Variants in TIGAR observed in about 807,000 individuals in gnomAD.
TIGAR encodes fructose-2,6-bisphosphatase TIGAR.
A neutral mutation model predicts 17.9 loss-of-function variants in TIGAR; 7 were observed. The ratio of observed to expected loss-of-function variants is 0.39; its 90% confidence interval spans 0.22 to 0.73. The LOEUF is 0.73. TIGAR is among the 30% of genes least tolerant of loss of function. TIGAR has a pLI of 0.42. For missense variants in TIGAR, 258 were observed against 327.4 expected, an observed-to-expected ratio of 0.79 and a Z score of 1.64; for synonymous variants, 94 against 108.6, an observed-to-expected ratio of 0.87 and a Z score of 0.84.
chr12:4,349,580 G>T (rs71583759), intron 3 of TIGAR, among the ~76,000 whole-genome samples: 7,328 of 152,110 alleles, frequency 0.048, 523 homozygotes, highest in East Asian at 0.33. Context: ...ACCACATCCG[G>T]CTAATTTTTT....
chr12:4,324,924 A>G (rs949116032), intron 1 of TIGAR: 2 of 326,200 alleles, frequency 6.1e-6, no homozygotes, highest in African/African-American at 2.3e-5. Context: ...ATGAATTAGT[A>G]AAGTTTTTTT....
intron 3 of TIGAR, among the ~76,000 whole-genome samples, 180 bp from the exon 4 acceptor site, chr12:4,349,639 G>A (rs1484306141): frequency 1.3e-5 from 2 of 151,990 alleles, no homozygotes; most frequent in East Asian, 3.9e-4. Flanking sequence ...GGATGGTCTC[G>A]ATCTCCTGAC....
In TIGAR at chr12:4,355,586, A is replaced by G. The variant is rs910623808; in HGVS notation, c.*2895A>G. 3.3e-5 allele frequency among the ~76,000 whole-genome samples: 5 copies of G among 152,212 alleles called. No homozygotes were observed. The highest frequency in any genetic ancestry group is 1.2e-4 in the African/African-American group (5 of 41,436). On this transcript the variant is annotated 3_prime_UTR_variant, in exon 6 of 6. Coordinates refer to ENST00000179259, the MANE Select transcript of TIGAR (RefSeq NM_020375.3). ...TCACATGCATCTCTTCATCTATTCA[A>G]TACGTATTTTTTGAGCATGGCACAC...
rs1864885792 is a variant in TIGAR at position 4,355,170 on chromosome 12, T to A, written c.*2479T>A. On this transcript the variant is annotated 3_prime_UTR_variant, in exon 6 of 6. Coordinates refer to ENST00000179259, the MANE Select transcript of TIGAR (RefSeq NM_020375.3). ...ATACAGTAATGTCTTCTTACAGTTT[T>A]TGAGAACTTCTGAATGTCAAATCTT... Among the ~76,000 whole-genome samples the A allele has an allele frequency of 6.6e-6, 1 of 152,238 alleles. No individual in the cohort carries two copies. The highest frequency in any genetic ancestry group is 2.4e-5 in the African/African-American group (1 of 41,462).
chr12:4,347,717 G>GA (rs1034158684), intron 3 of TIGAR, among the ~76,000 whole-genome samples: 2 of 151,818 alleles, frequency 1.3e-5, no homozygotes, highest in African/African-American at 2.4e-5. Context: ...AATACAAACA[G>GA]AAAAAAGCCA....
At position 4,356,738 on chromosome 12, in the gene TIGAR, T is replaced by A. The variant is rs1465505625; in HGVS notation, c.*4047T>A. ...TAAAAGTCCTCTGTGTTCCCTGTAC[T>A]CATCTTTCCCACCTTGTCTTGCCTG... On this transcript the variant is annotated 3_prime_UTR_variant, in exon 6 of 6. Coordinates refer to ENST00000179259, the MANE Select transcript of TIGAR (RefSeq NM_020375.3). Among the ~76,000 whole-genome samples, 2 of 152,208 alleles carry A rather than the reference T, an allele frequency of 1.3e-5. No homozygotes were observed. The highest frequency in any genetic ancestry group is 4.8e-5 in the African/African-American group (2 of 41,468).
At chr12:4,325,980 G>C (rs1195413880) in intron 1 of TIGAR, among the ~76,000 whole-genome samples, 1 of 152,138 alleles carries the variant, frequency 6.6e-6, no homozygotes, top group Non-Finnish European at 1.5e-5. Context: ...TGGAATTAAG[G>C]GAAATTGAGG....
chr12:4,347,534 A>G (rs1414930130), intron 3 of TIGAR, among the ~76,000 whole-genome samples: 1 of 152,208 alleles, frequency 6.6e-6, no homozygotes, highest in African/African-American at 2.4e-5. Flanking sequence ...ACATTTGAAA[A>G]TAACTAAAAG....
chr12:4,347,779 A>G (rs1864796916), intron 3 of TIGAR, among the ~76,000 whole-genome samples: 1 of 152,236 alleles, frequency 6.6e-6, no homozygotes, highest in Non-Finnish European at 1.5e-5. Flanking sequence ...ACACGGCTGA[A>G]GTGATCATTA....
intron 1 of TIGAR, among the ~76,000 whole-genome samples, chr12:4,328,458 C>T (rs1864569831): frequency 6.6e-6 from 1 of 152,052 alleles, no homozygotes; most frequent in African/African-American, 2.4e-5. Context: ...TCCCAAAGTG[C>T]TGGGATTACA....
At chr12:4,339,863 C>T (rs919161945) in intron 3 of TIGAR, among the ~76,000 whole-genome samples, 8 of 152,078 alleles carry the variant, frequency 5.3e-5, no homozygotes, top group African/African-American at 1.9e-4. Flanking sequence ...ATGATGAAAA[C>T]CCAAAAACAA....
chr12:4,354,473 C>G lies in TIGAR; in HGVS notation c.*1782C>G. 1 of 152,132 alleles carries G rather than the reference C, an allele frequency of 6.6e-6. No individual in the cohort carries two copies. Among genetic ancestry groups the G allele is most frequent in the South Asian group, 2.1e-4 (1 of 4,824 alleles). 9.4% of individuals were successfully genotyped at this position (152,132 alleles called of 1,614,324 possible). A position where few individuals can be genotyped will look rare whatever the true frequency, so the allele number is the denominator to read the frequency against. On this transcript the variant is annotated 3_prime_UTR_variant, in exon 6 of 6. Coordinates refer to ENST00000179259, the MANE Select transcript of TIGAR (RefSeq NM_020375.3). ...TGCAGTGAGTCTGTGTATATGTTCA[C>G]CTGTTCATCTGCTTGCAATGTTCAT...
At chr12:4,333,557 C>G (rs868264440) in intron 2 of TIGAR, among the ~76,000 whole-genome samples, 8 of 152,158 alleles carry the variant, frequency 5.3e-5, no homozygotes, top group Admixed American at 2.0e-4. Context: ...CAACCTCCAC[C>G]TCCCGGGTTC....
At chr12:4,349,423 GTT>G (rs923212662) in intron 3 of TIGAR, among the ~76,000 whole-genome samples, 1 of 143,526 alleles carries the variant, frequency 7.0e-6, no homozygotes. Context: ...TTCTAGTTTT[GTT>G]TTTTTTTTTT....
rs770414030 is a variant in TIGAR at position 4,356,751 on chromosome 12, C to T, written c.*4060C>T. Among the ~76,000 whole-genome samples, 33 of 152,172 alleles carry T rather than the reference C, an allele frequency of 2.2e-4. No individual in the cohort carries two copies. Among genetic ancestry groups the T allele is most frequent in the Non-Finnish European group, 4.9e-4 (33 of 68,038 alleles). ...TGTTCCCTGTACTCATCTTTCCCAC[C>T]TTGTCTTGCCTGTTTCTGTTAGGTT... On this transcript the variant is annotated 3_prime_UTR_variant, in exon 6 of 6. Coordinates refer to ENST00000179259, the MANE Select transcript of TIGAR (RefSeq NM_020375.3).
intron 4 of TIGAR, 60 bp from the exon 5 acceptor site, chr12:4,351,207 A>G: frequency 6.6e-7 from 1 of 1,511,008 alleles, no homozygotes; most frequent in South Asian, 1.1e-5. Flanking sequence ...CCATAAACAT[A>G]AACTTAATTG....
intron 3 of TIGAR, among the ~76,000 whole-genome samples, chr12:4,348,379 CA>C (rs1322811691): frequency 6.6e-6 from 1 of 152,116 alleles, no homozygotes; most frequent in East Asian, 1.9e-4. Context: ...TTCATTATAG[CA>C]AAATTGCAAG....
intron 3 of TIGAR, among the ~76,000 whole-genome samples, chr12:4,342,739 C>T (rs1188931787): frequency 1.3e-5 from 2 of 152,164 alleles, no homozygotes; most frequent in African/African-American, 4.8e-5. Flanking sequence ...GAAGGAAGCA[C>T]TAAACATGGA....
chr12:4,358,524 C>T lies in TIGAR; in HGVS notation c.*5833C>T, dbSNP rs1335290073. ...TTTTTTCTCTCTCCCTCTGTTTTCC[C>T]CTGAAACATTGGAGAGTAACTTTGA... On this transcript the variant is annotated 3_prime_UTR_variant, in exon 6 of 6. Transcript: ENST00000179259. 6.6e-6 allele frequency among the ~76,000 whole-genome samples: 1 copy of T among 152,090 alleles called. No individual in the cohort carries two copies. The highest frequency in any genetic ancestry group is 2.4e-5 in the African/African-American group (1 of 41,420).
Sources: allele counts gnomAD v4.1 joint callset (sites outside exome capture counted in the v4.1 genomes callset), GRCh38; gene constraint gnomAD v4.1.1; transcripts MANE v1.5; gene names NCBI Gene and HGNC (gene_info 2026-07-23, HGNC 2026-07-21).